The following TM4SF4 variants were observed in gnomAD, a reference collection of about 807,000 sequenced individuals.
The protein encoded by TM4SF4 is transmembrane 4 L6 family member 4.
In TM4SF4, 24 loss-of-function variants were observed where a neutral mutation model predicts 24.1. The observed-to-expected ratio is 1.00, with a 90% CI of 0.72 to 1.40. The LOEUF is 1.40. TM4SF4 is among the 40% of genes most tolerant of loss of function. The probability of loss-of-function intolerance (pLI) is 0.00; values close to 1 mark genes in which losing one functional copy is unlikely to be tolerated. For synonymous variants in TM4SF4, 113 were observed against 97.0 expected (o/e 1.17, Z -0.97); for missense variants, 254 against 254.2 (o/e 1.00, Z 0.01).
chr3:149,491,096 G>T (rs991983412), intron 3 of TM4SF4, among the ~76,000 whole-genome samples: 1 of 151,834 alleles, frequency 6.6e-6, no homozygotes, highest in South Asian at 2.1e-4. Flanking sequence ...GAAAAATGAA[G>T]CTCAAGAAGG....
chr3:149,490,598 A>T (rs1222926387), intron 3 of TM4SF4, among the ~76,000 whole-genome samples: 1 of 151,986 alleles, frequency 6.6e-6, no homozygotes, highest in East Asian at 1.9e-4. Flanking sequence ...GTTTATATTG[A>T]CTCATATTGT....
At chr3:149,476,814 GT>G (rs67092416) in intron 2 of TM4SF4, among the ~76,000 whole-genome samples, 67 of 81,190 alleles carry the variant, frequency 8.3e-4, no homozygotes, top group South Asian at 5.2e-3. Context: ...TTTTGTTTTT[GT>G]TTTTTTTTTT....
At chr3:149,497,483 A>G (rs67012762) in intron 3 of TM4SF4, among the ~76,000 whole-genome samples, 13,042 of 152,284 alleles carry the variant, frequency 0.086, 1,105 homozygotes, top group East Asian at 0.43. Flanking sequence ...GTAGATAGAT[A>G]AAGAGTTTTT....
At chr3:149,495,367 G>T in intron 3 of TM4SF4, 1 of 314,604 alleles carries the variant, frequency 3.2e-6, no homozygotes, top group South Asian at 3.2e-5. Context: ...TCATCCAACC[G>T]ACAAGCCCTT....
Position 149,474,848 on chromosome 3 carries a change from G to C in TM4SF4, c.-30G>C, listed in dbSNP as rs761739259. The stretch of plus-strand genomic sequence containing the variant: ...GTGAAGGAGGCAGTGAGGAGCTTTT[G>C]ATTGCTGACCTGTGTCGTACCACCC... On this transcript the variant is annotated 5_prime_UTR_variant, in exon 1 of 5. Coordinates refer to ENST00000305354, the MANE Select transcript of TM4SF4 (RefSeq NM_004617.4). The C allele has an allele frequency of 6.3e-7, 1 of 1,578,826 alleles. No individual in the cohort carries two copies. Among genetic ancestry groups the C allele is most frequent in the Admixed American group, 1.9e-5 (1 of 51,282 alleles).
At chr3:149,483,468 C>CAA (rs11462474) in intron 2 of TM4SF4, among the ~76,000 whole-genome samples, 274 of 147,378 alleles carry the variant, frequency 1.9e-3, no homozygotes, top group South Asian at 3.2e-3. Flanking sequence ...TCAACTATAA[C>CAA]AAAAAAAAGA....
intron 2 of TM4SF4, among the ~76,000 whole-genome samples, chr3:149,484,051 G>T (rs1734077085): frequency 6.6e-6 from 1 of 152,038 alleles, no homozygotes; most frequent in Non-Finnish European, 1.5e-5. Flanking sequence ...ACAGTGCTGG[G>T]ATTACAGGCT....
Position 149,498,781 on chromosome 3 carries a change from C to T in TM4SF4, c.461C>T (p.Pro154Leu). ...TGCCGAGAGCCTCTCAATGTGGTTCCCTGGAATCTGACCCTCTTCTCCATC... is the reference window on the plus strand; with the variant it reads ...TGCCGAGAGCCTCTCAATGTGGTTCTCTGGAATCTGACCCTCTTCTCCATC... ...NKCREPLNVV[P>L]WNLTLFSILL... Residue 154 changes from proline to leucine, a missense_variant, in exon 4 of 5, where the codon CCC becomes CTC. Transcript: ENST00000305354. 6.2e-7 allele frequency: 1 copy of T among 1,613,966 alleles called. No homozygotes were observed. Among genetic ancestry groups the T allele is most frequent in the Non-Finnish European group, 8.5e-7 (1 of 1,179,878 alleles).
chr3:149,502,644 A>G, intron 4 of TM4SF4, 32 bp from the exon 5 acceptor site: 1 of 1,571,714 alleles, frequency 6.4e-7, no homozygotes, highest in South Asian at 1.1e-5. Context: ...AAATCATGAC[A>G]TCATAGTTAA....
intron 2 of TM4SF4, among the ~76,000 whole-genome samples, chr3:149,476,343 CCAG>C (rs1733927770): frequency 6.6e-6 from 1 of 152,214 alleles, no homozygotes; most frequent in Non-Finnish European, 1.5e-5. Context: ...CCTCCCCTCC[CCAG>C]TAGGCTTCTA....
intron 2 of TM4SF4, among the ~76,000 whole-genome samples, chr3:149,485,495 A>G (rs896249433): frequency 6.6e-6 from 1 of 152,262 alleles, no homozygotes; most frequent in Non-Finnish European, 1.5e-5. Context: ...GCAACAAGTC[A>G]TTATCCAGTG....
intron 2 of TM4SF4, among the ~76,000 whole-genome samples, chr3:149,481,059 A>T (rs1014910920): frequency 7.2e-5 from 11 of 151,914 alleles, no homozygotes; most frequent in Admixed American, 5.9e-4. Context: ...ACTGCATTTC[A>T]CTATGTTGGC....
intron 3 of TM4SF4, among the ~76,000 whole-genome samples, chr3:149,492,431 A>G (rs907338101): frequency 3.3e-5 from 5 of 152,180 alleles, no homozygotes; most frequent in Admixed American, 1.3e-4. Flanking sequence ...ATTTTGAAAT[A>G]TACCCTCTTG....
At chr3:149,492,474 A>G (rs1401072448) in intron 3 of TM4SF4, among the ~76,000 whole-genome samples, 3 of 152,116 alleles carry the variant, frequency 2.0e-5, no homozygotes, top group South Asian at 2.1e-4. Flanking sequence ...CTCCCATCCA[A>G]GGTCTTCCTC....
chr3:149,476,523 T>A (rs1296257211), intron 2 of TM4SF4, among the ~76,000 whole-genome samples: 6 of 152,176 alleles, frequency 3.9e-5, no homozygotes, highest in Non-Finnish European at 7.4e-5. Context: ...GTGGAAAGAA[T>A]GCTGGGACAT....
intron 1 of TM4SF4, 129 bp downstream of exon 1, chr3:149,475,180 G>T: frequency 2.0e-6 from 2 of 995,242 alleles, no homozygotes; most frequent in East Asian, 2.7e-5. Context: ...CATGGTGAGA[G>T]GTCAATGCCT....
intron 2 of TM4SF4, among the ~76,000 whole-genome samples, chr3:149,477,766 T>TA (rs1733957751): frequency 6.6e-6 from 1 of 152,230 alleles, no homozygotes; most frequent in African/African-American, 2.4e-5. Context: ...AAGGATATTT[T>TA]ATGTAATTAT....
chr3:149,501,003 A>G (rs1284694636), intron 4 of TM4SF4, among the ~76,000 whole-genome samples: 1 of 136,956 alleles, frequency 7.3e-6, no homozygotes, highest in Non-Finnish European at 1.6e-5. Flanking sequence ...CACCCTGGAT[A>G]ACAGAACAAG....
intron 2 of TM4SF4, among the ~76,000 whole-genome samples, chr3:149,487,372 G>A (rs1045518675): frequency 6.6e-6 from 1 of 152,066 alleles, no homozygotes; most frequent in African/African-American, 2.4e-5. Context: ...ATGGCTCAAA[G>A]GTAACAGAAC....
Sources: allele counts gnomAD v4.1 joint callset (sites outside exome capture counted in the v4.1 genomes callset), GRCh38; gene constraint gnomAD v4.1.1; transcripts MANE v1.5; gene names NCBI Gene and HGNC (gene_info 2026-07-23, HGNC 2026-07-21).